ZMAT3: variants seen among roughly 807,000 people sequenced by gnomAD.
ZMAT3 encodes the protein zinc finger matrin-type protein 3.
Under a neutral mutation model 32.3 loss-of-function variants are expected in ZMAT3, and 17 were observed. That is an observed-to-expected ratio of 0.53 (90% confidence interval 0.36 to 0.79). The LOEUF (loss-of-function observed/expected upper bound fraction) is 0.79, where lower values mean the gene tolerates loss of function less well. ZMAT3 is among the 30% of genes least tolerant of loss of function. The pLI is 0.00. For synonymous variants in ZMAT3, 120 were observed against 133.1 expected, an observed-to-expected ratio of 0.90 and a Z score of 0.68; for missense variants, 329 against 359.7, an observed-to-expected ratio of 0.91 and a Z score of 0.69.
intron 2 of ZMAT3, among the ~76,000 whole-genome samples, chr3:179,043,986 A>G (rs938612825): frequency 1.3e-5 from 2 of 152,276 alleles, no homozygotes; most frequent in Admixed American, 6.5e-5. Flanking sequence ...AATGCTCATC[A>G]TCATTCGTCG....
intron 2 of ZMAT3, among the ~76,000 whole-genome samples, chr3:179,039,019 C>T (rs4377526): frequency 0.61 from 92,535 of 151,630 alleles, 28,372 homozygotes; most frequent in East Asian, 0.8. Context: ...GGGGCCTCAG[C>T]CATTGCTGAG....
Position 179,024,910 on chromosome 3 carries a change from C to A in ZMAT3, c.*107G>T. 1 of 980,458 alleles carries A rather than the reference C, an allele frequency of 1.0e-6. No individual in the cohort carries two copies. The highest frequency in any genetic ancestry group is 1.5e-6 in the Non-Finnish European group (1 of 668,560). 60.7% of individuals were successfully genotyped at this position (980,458 alleles called of 1,614,324 possible). A position where few individuals can be genotyped will look rare whatever the true frequency, so the allele number is the denominator to read the frequency against. On this transcript the variant is annotated 3_prime_UTR_variant, in exon 6 of 6. Transcript: ENST00000311417. ...TACCACTGTGGGTTACATGTATTAA[C>A]ATTAAGCAGAGGAATGTACTCATAT...
chr3:179,048,604 A>G (rs1162718392), intron 2 of ZMAT3, among the ~76,000 whole-genome samples: 2 of 152,236 alleles, frequency 1.3e-5, no homozygotes, highest in Non-Finnish European at 2.9e-5. Flanking sequence ...TGTCAGACAA[A>G]AAACTTCTGA....
At chr3:179,063,745 AC>A (rs1721265532) in intron 2 of ZMAT3, among the ~76,000 whole-genome samples, 1 of 152,238 alleles carries the variant, frequency 6.6e-6, no homozygotes, top group African/African-American at 2.4e-5. Context: ...CTGCAGATAG[AC>A]TTTAATAAAA....
chr3:179,052,051 C>T (rs1720594997), intron 2 of ZMAT3, among the ~76,000 whole-genome samples: 1 of 152,156 alleles, frequency 6.6e-6, no homozygotes, highest in Admixed American at 6.6e-5. Flanking sequence ...AGACTTAAAT[C>T]TAAAACCTGA....
rs149014057 is a variant in ZMAT3 at position 179,038,220 on chromosome 3, G to A, written c.271-7221C>T. 2.1e-3 allele frequency among the ~76,000 whole-genome samples: 313 copies of A among 152,316 alleles called. 3 individuals carry two copies. Among genetic ancestry groups the A allele is most frequent in the African/African-American group, 7.1e-3 (293 of 41,558 alleles). ...ATGTCCAAAGAGAGACCAACCTGGA[G>A]TTTACGAACGAGGTCAGGTTAGAGA... is the stretch of plus-strand genomic sequence containing the variant. On this transcript the variant is annotated intron_variant, in intron 2 of 5. Coordinates refer to ENST00000311417, the MANE Select transcript of ZMAT3 (RefSeq NM_022470.4).
At chr3:179,031,812 C>A (rs1477687272) in intron 2 of ZMAT3, among the ~76,000 whole-genome samples, 2 of 151,752 alleles carry the variant, frequency 1.3e-5, no homozygotes, top group African/African-American at 2.4e-5. Flanking sequence ...GAGGCTGAGG[C>A]AGGAGAACCA....
rs1718640498 is a variant in ZMAT3, at chr3:179,023,199, T to G, written c.*1818A>C. 1 of 151,060 alleles carries G rather than the reference T, an allele frequency of 6.6e-6. No individual in the cohort carries two copies. The highest frequency in any genetic ancestry group is 1.5e-5 in the Non-Finnish European group (1 of 67,884). 9.4% of individuals were successfully genotyped at this position (151,060 alleles called of 1,614,324 possible). On this transcript the variant is annotated 3_prime_UTR_variant, in exon 6 of 6. Transcript: ENST00000311417. ...TTTTTGGAGACGGAGTATTGCTCTG[T>G]CGCCCAGACTGGAGTGCAGTGGCAC...
intron 2 of ZMAT3, among the ~76,000 whole-genome samples, chr3:179,064,910 T>C (rs1320099052): frequency 6.6e-6 from 1 of 152,244 alleles, no homozygotes; most frequent in Non-Finnish European, 1.5e-5. Flanking sequence ...TCCACTCTCA[T>C]CTTGACCATT....
At chr3:179,032,822 G>C (rs1052780067) in intron 2 of ZMAT3, among the ~76,000 whole-genome samples, 10 of 151,948 alleles carry the variant, frequency 6.6e-5, no homozygotes, top group Non-Finnish European at 1.2e-4. Context: ...CCCCATCTGG[G>C]AAGTGAGGAG....
At chr3:179,028,800 A>G (rs958505469) in intron 3 of ZMAT3, among the ~76,000 whole-genome samples, 1 of 152,214 alleles carries the variant, frequency 6.6e-6, no homozygotes, top group Non-Finnish European at 1.5e-5. Context: ...ACTTTTAAAT[A>G]CTAAAAACTA....
At chr3:179,028,877 G>C (rs1719026862) in intron 3 of ZMAT3, among the ~76,000 whole-genome samples, 1 of 152,098 alleles carries the variant, frequency 6.6e-6, no homozygotes, top group African/African-American at 2.4e-5. Flanking sequence ...AGAAATTCTT[G>C]GGCTGGACAC....
intron 2 of ZMAT3, among the ~76,000 whole-genome samples, chr3:179,043,258 C>T (rs1240796996): frequency 6.6e-6 from 1 of 152,226 alleles, no homozygotes; most frequent in African/African-American, 2.4e-5. Context: ...AAAGAGCCCG[C>T]ATTGCCAAGA....
intron 1 of ZMAT3, among the ~76,000 whole-genome samples, chr3:179,069,365 T>C (rs769253249): frequency 1.3e-5 from 2 of 152,150 alleles, no homozygotes; most frequent in Non-Finnish European, 2.9e-5. Context: ...CGTCTAACCC[T>C]GAGTGTCTCA....
Position 179,017,585 on chromosome 3 carries a change from A to G in ZMAT3, c.*7432T>C, listed in dbSNP as rs1576825955. 1 of 152,270 alleles carries G rather than the reference A, an allele frequency of 6.6e-6. No individual in the cohort carries two copies. Among genetic ancestry groups the G allele is most frequent in the Non-Finnish European group, 1.5e-5 (1 of 68,004 alleles). 9.4% of individuals were successfully genotyped at this position (152,270 alleles called of 1,614,324 possible). A position where few individuals can be genotyped will look rare whatever the true frequency, so the allele number is the denominator to read the frequency against. ...TGACATTTAGAGAAAATTTTAATAA[A>G]CAACCCTAATTACACACAGTTTGGG... On this transcript the variant is annotated 3_prime_UTR_variant, in exon 6 of 6. Coordinates refer to ENST00000311417, the MANE Select transcript of ZMAT3 (RefSeq NM_022470.4).
rs1284278744 is a variant in ZMAT3 at position 179,021,329 on chromosome 3, A to G, written c.*3688T>C. On this transcript the variant is annotated 3_prime_UTR_variant, in exon 6 of 6. Transcript: ENST00000311417. Reference sequence around the variant, plus strand: ...TCAGTTTAGTAACTGAACTTTTTTTACAAAACCACTTCAAAGGTATATGCA... The same window carrying G: ...TCAGTTTAGTAACTGAACTTTTTTTGCAAAACCACTTCAAAGGTATATGCA... 1 of 152,188 alleles carries G rather than the reference A, an allele frequency of 6.6e-6. No homozygotes were observed. Among genetic ancestry groups the G allele is most frequent in the Non-Finnish European group, 1.5e-5 (1 of 68,032 alleles). The allele number at this position is 152,188 out of a possible 1,614,324, so 9.4% of individuals were successfully genotyped here. A position where few individuals can be genotyped will look rare whatever the true frequency, so the allele number is the denominator to read the frequency against.
At chr3:179,057,914 C>T (rs1720935753) in intron 2 of ZMAT3, among the ~76,000 whole-genome samples, 1 of 152,206 alleles carries the variant, frequency 6.6e-6, no homozygotes, top group South Asian at 2.1e-4. Flanking sequence ...GCGGAAGTAG[C>T]TTTCTAGGAC....
chr3:179,067,865 C>T (rs11918549), intron 1 of ZMAT3, 56 bp from the exon 2 acceptor site: 192,407 of 1,441,980 alleles, frequency 0.13, 13,960 homozygotes, highest in African/African-American at 0.25. Flanking sequence ...CAGACTTCAG[C>T]AAGATAACAT....
At position 179,050,064 on chromosome 3, in the gene ZMAT3, C is replaced by T. The variant is rs149239769; in HGVS notation, c.270+17419G>A. The stretch of plus-strand genomic sequence containing the variant: ...ATAGACAATGTAAGGTCACACCTCA[C>T]AGAACTGGAGAAACAAAACAATCCA... On this transcript the variant is annotated intron_variant, in intron 2 of 5. Coordinates refer to ENST00000311417, the MANE Select transcript of ZMAT3 (RefSeq NM_022470.4). Among the ~76,000 whole-genome samples, 243 of 143,166 alleles carry T rather than the reference C, an allele frequency of 1.7e-3. 1 individual carries two copies. The Middle Eastern group carries it at 0.027, about 16-fold the overall frequency. The allele number at this position is 143,166 out of a possible 152,430, so 93.9% of individuals were successfully genotyped here.
Sources: allele counts gnomAD v4.1 joint callset (sites outside exome capture counted in the v4.1 genomes callset), GRCh38; gene constraint gnomAD v4.1.1; transcripts MANE v1.5; gene names NCBI Gene and HGNC (gene_info 2026-07-23, HGNC 2026-07-21).